STK3: variants seen among roughly 807,000 people sequenced by gnomAD.
The protein encoded by STK3 is serine/threonine-protein kinase 3.
STK3 carries 41 observed loss-of-function variants against 58.0 expected under a neutral mutation model. That is an observed-to-expected ratio of 0.71 (90% CI 0.55 to 0.92). STK3 has a LOEUF of 0.92. Among genes scored for constraint, STK3 ranks in the 40% least tolerant of loss-of-function variants. STK3 has a pLI of 0.00. For synonymous variants in STK3, 170 were observed against 191.0 expected (o/e 0.89, Z 0.91); for missense variants, 479 against 602.7 (o/e 0.79, Z 2.15).
intron 10 of STK3, among the ~76,000 whole-genome samples, chr8:98,514,410 G>A (rs970717495): frequency 5.3e-5 from 8 of 152,024 alleles, no homozygotes; most frequent in Admixed American, 2.6e-4. Context: ...AGTTGTAACT[G>A]TTTAAAAGTT....
At chr8:98,626,976 T>G (rs898272379) in intron 6 of STK3, among the ~76,000 whole-genome samples, 2 of 152,276 alleles carry the variant, frequency 1.3e-5, no homozygotes, top group South Asian at 2.1e-4. Context: ...GAGTACAGAA[T>G]GTAGAGAGAA....
chr8:98,351,789 G>A, the STK3 span, among the ~76,000 whole-genome samples: 735 of 152,240 alleles, frequency 4.8e-3, 5 homozygotes, highest in Middle Eastern at 0.041. Context: ...TAGAGAAATG[G>A]CTAATTCCAA....
At chr8:98,709,539 A>C (rs1309067807) in intron 4 of STK3, among the ~76,000 whole-genome samples, 1 of 152,208 alleles carries the variant, frequency 6.6e-6, no homozygotes, top group Non-Finnish European at 1.5e-5. Flanking sequence ...TGATACAAAA[A>C]TCCTCAACAA....
At chr8:98,459,616 C>A (rs77130020) in intron 10 of STK3, among the ~76,000 whole-genome samples, 1,530 of 152,294 alleles carry the variant, frequency 0.01, 14 homozygotes, top group South Asian at 0.029. Context: ...GGCATGGAGG[C>A]CTAGGAGGAA....
chr8:98,352,151 A>G, the STK3 span, among the ~76,000 whole-genome samples: 1 of 151,592 alleles, frequency 6.6e-6, no homozygotes, highest in East Asian at 1.9e-4. Context: ...AAAAAAAAAA[A>G]AAAAGAGACT....
At chr8:98,532,389 C>T (rs1041037861) in intron 9 of STK3, among the ~76,000 whole-genome samples, 39 of 152,222 alleles carry the variant, frequency 2.6e-4, no homozygotes, top group African/African-American at 7.2e-4. Flanking sequence ...CAATTAAATT[C>T]GCCATCTTAT....
intron 6 of STK3, among the ~76,000 whole-genome samples, chr8:98,675,285 A>G (rs1823117624): frequency 6.6e-6 from 1 of 152,230 alleles, no homozygotes; most frequent in Admixed American, 6.5e-5. Flanking sequence ...AAAAATATAC[A>G]TGTTATCTTT....
chr8:98,523,299 TA>T lies in STK3; in HGVS notation c.1317+3442del, dbSNP rs566920138. ...TATGCATTTCTCTAATGATTAATGA[TA>T]ATTATTGAATCTTTTCATGTGTTTA... is the stretch of plus-strand genomic sequence containing the variant. On this transcript the variant is annotated intron_variant, in intron 10 of 10. Transcript: ENST00000419617. 1.1e-4 allele frequency among the ~76,000 whole-genome samples: 16 copies of T among 152,336 alleles called. No individual in the cohort carries two copies. The East Asian group carries it at 3.1e-3, about 29-fold the overall frequency.
At chr8:98,696,938 A>G (rs929594576) in intron 6 of STK3, among the ~76,000 whole-genome samples, 29 of 152,194 alleles carry the variant, frequency 1.9e-4, no homozygotes, top group Middle Eastern at 3.4e-3. Context: ...AATGGTACCA[A>G]TTCCTCCTTG....
At chr8:98,870,363 T>C (rs1028083860) in intron 3 of STK3, among the ~76,000 whole-genome samples, 1 of 152,242 alleles carries the variant, frequency 6.6e-6, no homozygotes, top group Admixed American at 6.5e-5. Flanking sequence ...TACCCAGTAA[T>C]GGGATGGCTG....
intron 6 of STK3, among the ~76,000 whole-genome samples, chr8:98,608,613 A>G (rs1036976239): frequency 6.6e-6 from 1 of 152,226 alleles, no homozygotes; most frequent in Non-Finnish European, 1.5e-5. Context: ...ATGAAGAGAC[A>G]TGGTTCACAA....
intron 9 of STK3, among the ~76,000 whole-genome samples, chr8:98,536,702 A>G (rs1809794120): frequency 6.6e-6 from 1 of 152,200 alleles, no homozygotes; most frequent in African/African-American, 2.4e-5. Context: ...TGGATTTCTC[A>G]TCAAATGAGA....
chr8:98,466,285 G>T (rs1586630528), intron 10 of STK3, among the ~76,000 whole-genome samples: 1 of 152,152 alleles, frequency 6.6e-6, no homozygotes, highest in South Asian at 2.1e-4. Context: ...CTAGCTTACT[G>T]GGTAGTCAAA....
At chr8:98,779,501 G>A (rs1831942946) in intron 1 of STK3, among the ~76,000 whole-genome samples, 1 of 152,158 alleles carries the variant, frequency 6.6e-6, no homozygotes, top group South Asian at 2.1e-4. Context: ...TTCAATGTAT[G>A]CAAACTTTGT....
intron 4 of STK3, among the ~76,000 whole-genome samples, chr8:98,748,296 T>C (rs915224019): frequency 3.3e-5 from 5 of 152,138 alleles, no homozygotes. Flanking sequence ...TTAAGCACCA[T>C]AGAAATTCTA....
intron 3 of STK3, among the ~76,000 whole-genome samples, chr8:98,844,663 A>C (rs1370496907): frequency 1.3e-5 from 2 of 151,992 alleles, no homozygotes; most frequent in Admixed American, 1.3e-4. Flanking sequence ...ATGGGGTTTC[A>C]CCATGTTGGC....
chr8:98,937,613 C>T (rs1265921821), intron 1 of STK3, among the ~76,000 whole-genome samples: 5 of 152,210 alleles, frequency 3.3e-5, no homozygotes, highest in African/African-American at 9.7e-5. Flanking sequence ...AGGTTTCAAA[C>T]AATAGCACAA....
At chr8:98,698,603 T>C in intron 6 of STK3, among the ~76,000 whole-genome samples, 1 of 152,216 alleles carries the variant, frequency 6.6e-6, no homozygotes, top group East Asian at 1.9e-4. Context: ...CAAAGTATTT[T>C]ATTTCTCCTT....
At chr8:98,919,348 G>A (rs1387616477) in intron 1 of STK3, among the ~76,000 whole-genome samples, 1 of 152,174 alleles carries the variant, frequency 6.6e-6, no homozygotes, top group Non-Finnish European at 1.5e-5. Context: ...TAGTAGATAA[G>A]CCAGCTCTCA....
Sources: gnomAD v4.1 joint callset for allele counts (sites outside exome capture counted in the v4.1 genomes callset) on GRCh38, gnomAD v4.1.1 for gene constraint, MANE v1.5 for transcripts, NCBI Gene and HGNC (gene_info 2026-07-23, HGNC 2026-07-21) for gene names.